The following ZDHHC15 variants were observed in gnomAD, a reference collection of about 807,000 sequenced individuals.
The protein encoded by ZDHHC15 is palmitoyltransferase ZDHHC15.
In ZDHHC15, 19 loss-of-function variants were observed where a neutral mutation model predicts 31.7. That is an observed-to-expected ratio of 0.60 (90% confidence interval 0.42 to 0.88). ZDHHC15 has a LOEUF of 0.88. ZDHHC15 is among the 40% of genes least tolerant of loss of function. The probability of loss-of-function intolerance (pLI) is 0.00; values close to 1 mark genes in which losing one functional copy is unlikely to be tolerated. For missense variants in ZDHHC15, 209 were observed against 251.2 expected (o/e 0.83, Z 1.14); for synonymous variants, 103 against 90.0 (o/e 1.14, Z -0.82).
At chrX:75,388,774 A>T (rs1276560682) in intron 10 of ZDHHC15, among the ~76,000 whole-genome samples, 1 of 111,971 alleles carries the variant, frequency 8.9e-6, no homozygotes, top group African/African-American at 3.2e-5. Flanking sequence ...TCCAATTAAA[A>T]GCATAGAAGA....
At chrX:75,486,979 G>A (rs764908338) in intron 2 of ZDHHC15, among the ~76,000 whole-genome samples, 2 of 111,320 alleles carry the variant, frequency 1.8e-5, no homozygotes, top group South Asian at 3.8e-4. Flanking sequence ...AAAAACGTGA[G>A]TACCCATCCT....
intron 3 of ZDHHC15, among the ~76,000 whole-genome samples, chrX:75,455,152 A>G (rs772663286): frequency 8.8e-4 from 98 of 111,979 alleles, no homozygotes; most frequent in African/African-American, 3.1e-3. Context: ...ACTGCATGGT[A>G]CTGGTACCAA....
intron 2 of ZDHHC15, chrX:75,501,513 G>T (rs1178655740): frequency 9.0e-6 from 1 of 111,274 alleles, no homozygotes; most frequent in Non-Finnish European, 1.9e-5. Context: ...CTGTTTTTAG[G>T]TCTTTGAGGA....
At chrX:75,406,789 C>A (rs866960426) in intron 10 of ZDHHC15, among the ~76,000 whole-genome samples, 1 of 110,581 alleles carries the variant, frequency 9.0e-6, no homozygotes, top group Admixed American at 9.6e-5. Flanking sequence ...TTTTACTTAA[C>A]CTTTCACAAA....
intron 3 of ZDHHC15, among the ~76,000 whole-genome samples, chrX:75,470,481 C>A (rs2084487172): frequency 9.0e-6 from 1 of 111,316 alleles, no homozygotes; most frequent in Non-Finnish European, 1.9e-5. Flanking sequence ...GGAACATAAT[C>A]TTTCTCCCAT....
chrX:75,444,514 T>C (rs1292580208), intron 4 of ZDHHC15, among the ~76,000 whole-genome samples: 1 of 102,357 alleles, frequency 9.8e-6, no homozygotes, highest in Admixed American at 1.1e-4. Context: ...ATATACCTAA[T>C]GTAAATGGCG....
chrX:75,399,113 C>T (rs2083328623), intron 10 of ZDHHC15, among the ~76,000 whole-genome samples: 1 of 111,465 alleles, frequency 9.0e-6, no homozygotes, highest in South Asian at 3.8e-4. Context: ...CCCAAGCATA[C>T]CACAGCAGCC....
Position 75,417,092 on chromosome X carries a change from T to C in ZDHHC15, c.962A>G (p.Asn321Ser), listed in dbSNP as rs1453936071. Residue 321 changes from asparagine to serine, a missense_variant, in exon 10 of 12, where the codon AAC becomes AGC. By Grantham distance (46) the Asn-to-Ser change is conservative. Transcript: ENST00000373367. ...TAGTCTTTGACCCCACTTACCTTGG[T>C]TGTCATCCTCGTTGTCTTCCCAGGT... is the stretch of plus-strand genomic sequence containing the variant. Reference protein sequence around the residue: ...EETWEDNEDDNQDYPEGSSSL... With the variant: ...EETWEDNEDDSQDYPEGSSSL... 8.3e-7 allele frequency: 1 copy of C among 1,205,180 alleles called. No homozygotes were observed. The highest frequency in any genetic ancestry group is 1.8e-5 in the South Asian group (1 of 56,723).
Position 75,449,201 on chromosome X carries a change from T to TACACAC in ZDHHC15, c.379+1595_379+1600dup, listed in dbSNP as rs3075226. 2.3e-3 allele frequency among the ~76,000 whole-genome samples: 178 copies of TACACAC among 76,638 alleles called. 2 individuals are homozygous for TACACAC. Among genetic ancestry groups the TACACAC allele is most frequent in the African/African-American group, 8.5e-3 (173 of 20,470 alleles). The allele number at this position is 76,638 out of a possible 115,157, so 66.6% of individuals were successfully genotyped here. ...TCCTCATAATCTCTCTCTCTCTCTA[T>TACACAC]ACACACACACACACACACACACACA... On this transcript the variant is annotated intron_variant, in intron 4 of 11. Transcript: ENST00000373367.
At chrX:75,491,262 G>C (rs2148010448) in intron 2 of ZDHHC15, among the ~76,000 whole-genome samples, 1 of 110,447 alleles carries the variant, frequency 9.1e-6, no homozygotes, top group South Asian at 4.0e-4. Flanking sequence ...TTAAGAAAAT[G>C]TGGCACATAT....
intron 11 of ZDHHC15, among the ~76,000 whole-genome samples, chrX:75,373,924 C>CTTTTTTTTTTT (rs1298329750): frequency 2.1e-4 from 4 of 19,044 alleles, no homozygotes; most frequent in Non-Finnish European, 3.2e-4. Flanking sequence ...TTCATTCTTT[C>CTTTTTTTTTTT]TGTTTTTTTT....
chrX:75,371,349 G>C lies in ZDHHC15; in HGVS notation c.*1629C>G, dbSNP rs1390593816. On this transcript the variant is annotated 3_prime_UTR_variant, in exon 12 of 12. Coordinates refer to ENST00000373367, the MANE Select transcript of ZDHHC15 (RefSeq NM_144969.3). ...TCATCTAGGCTGCTTTTTAGCTTCTGAGTTTGAGAAAGTCACTAGCCCTAA... is the reference window on the plus strand; with the variant it reads ...TCATCTAGGCTGCTTTTTAGCTTCTCAGTTTGAGAAAGTCACTAGCCCTAA... 1 of 111,878 alleles carries C rather than the reference G, an allele frequency of 8.9e-6. No individual in the cohort carries two copies. The highest frequency in any genetic ancestry group is 1.9e-5 in the Non-Finnish European group (1 of 53,203). 9.2% of individuals were successfully genotyped at this position (111,878 alleles called of 1,213,427 possible).
intron 2 of ZDHHC15, among the ~76,000 whole-genome samples, chrX:75,479,678 C>G (rs969910082): frequency 1.4e-4 from 16 of 111,161 alleles, no homozygotes; most frequent in African/African-American, 5.2e-4. Flanking sequence ...CTCACCCATA[C>G]CAGTCTCTAT....
chrX:75,483,289 G>A (rs1020923159), intron 2 of ZDHHC15, among the ~76,000 whole-genome samples: 8 of 109,972 alleles, frequency 7.3e-5, no homozygotes, highest in African/African-American at 2.3e-4. Flanking sequence ...GATGAACCAC[G>A]GGTTTGTTAA....
intron 3 of ZDHHC15, among the ~76,000 whole-genome samples, chrX:75,463,607 A>AACAACAACAACAAC (rs58345977): frequency 8.9e-5 from 5 of 56,208 alleles, no homozygotes; most frequent in South Asian, 1.0e-3. Flanking sequence ...ACAACAACAA[A>AACAACAACAACAAC]AAACCCATCA....
intron 9 of ZDHHC15, among the ~76,000 whole-genome samples, chrX:75,420,900 A>G (rs1465719714): frequency 1.8e-5 from 2 of 110,474 alleles, no homozygotes; most frequent in South Asian, 4.0e-4. Flanking sequence ...GTGCATACCT[A>G]TGTAACAAAC....
At chrX:75,415,938 T>TGAA (rs1307108862) in intron 10 of ZDHHC15, among the ~76,000 whole-genome samples, 49 of 112,113 alleles carry the variant, frequency 4.4e-4, no homozygotes, top group African/African-American at 1.5e-3. Context: ...TGGCTTCTAT[T>TGAA]AGAGTTTGGG....
At chrX:75,469,886 C>T (rs1015172421) in intron 3 of ZDHHC15, among the ~76,000 whole-genome samples, 7 of 111,925 alleles carry the variant, frequency 6.3e-5, no homozygotes, top group African/African-American at 9.7e-5. Flanking sequence ...CCAACACTTG[C>T]TGTTTTACAG....
At chrX:75,513,576 C>G (rs372291316) in intron 1 of ZDHHC15, among the ~76,000 whole-genome samples, 8 of 111,486 alleles carry the variant, frequency 7.2e-5, no homozygotes, top group African/African-American at 2.6e-4. Flanking sequence ...CGCCTACACT[C>G]TACTATATAC....
Sources: gnomAD v4.1 joint callset for allele counts (sites outside exome capture counted in the v4.1 genomes callset) on GRCh38, gnomAD v4.1.1 for gene constraint, MANE v1.5 for transcripts, NCBI Gene and HGNC (gene_info 2026-07-23, HGNC 2026-07-21) for gene names.